The following PCYOX1L variants were observed in gnomAD, a reference collection of about 807,000 sequenced individuals.
PCYOX1L encodes the protein prenylcysteine oxidase 1-like.
Under a neutral mutation model 44.1 loss-of-function variants are expected in PCYOX1L, and 40 were observed. That is an observed-to-expected ratio of 0.91 (90% CI 0.70 to 1.18). PCYOX1L has a LOEUF of 1.18. PCYOX1L is among the 50% of genes most tolerant of loss of function. The pLI, the probability that PCYOX1L is intolerant of heterozygous loss-of-function variation, is 0.00. For synonymous variants in PCYOX1L, 266 were observed against 282.8 expected, an observed-to-expected ratio of 0.94 and a Z score of 0.60; for missense variants, 605 against 653.3, an observed-to-expected ratio of 0.93 and a Z score of 0.81.
rs945072474 is a variant in PCYOX1L at position 149,358,065 on chromosome 5, C to G, written c.-4C>G. Reference sequence around the variant, plus strand: ...TCCGGCGTGCTGCCCGCTCGCCGCCCGCCATGGCCCGCGCAGCCCCGCTGC... The same window carrying G: ...TCCGGCGTGCTGCCCGCTCGCCGCCGGCCATGGCCCGCGCAGCCCCGCTGC... On this transcript the variant is annotated 5_prime_UTR_variant, in exon 1 of 6. Coordinates refer to ENST00000274569, the MANE Select transcript of PCYOX1L (RefSeq NM_024028.4). 7.4e-7 allele frequency: 1 copy of G among 1,347,126 alleles called. No individual in the cohort carries two copies. Among genetic ancestry groups the G allele is most frequent in the Non-Finnish European group, 9.5e-7 (1 of 1,055,004 alleles). 83.4% of individuals were successfully genotyped at this position (1,347,126 alleles called of 1,614,324 possible).
Position 149,368,421 on chromosome 5 carries a change from C to T in PCYOX1L, c.1252C>T (p.Gln418Ter). The T allele has an allele frequency of 5.0e-6, 8 of 1,614,184 alleles. No individual in the cohort carries two copies. The highest frequency in any genetic ancestry group is 5.9e-6 in the Non-Finnish European group (7 of 1,180,038). ...CCTGTTCCGTTCCTATTACTCAGTGCAGACAGCTGAGTGGCAGGCCCATCC... is the reference window on the plus strand; with the variant it reads ...CCTGTTCCGTTCCTATTACTCAGTGTAGACAGCTGAGTGGCAGGCCCATCC... ...KTLFRSYYSV[Q>*]TAEWQAHPLY... Residue 418 changes from glutamine (Q) to a stop codon, truncating the protein, a stop_gained, in exon 6 of 6, where the codon CAG (glutamine) becomes TAG (stop). Coordinates refer to ENST00000274569, the MANE Select transcript of PCYOX1L (RefSeq NM_024028.4). LOFTEE classifies it high-confidence loss of function.
intron 4 of PCYOX1L, 147 bp from the exon 5 acceptor site, chr5:149,367,213 T>C: frequency 1.1e-6 from 1 of 947,526 alleles, no homozygotes; most frequent in Non-Finnish European, 1.5e-6. Flanking sequence ...TTTGTTGTAC[T>C]TACTTGTATG....
chr5:149,363,137 G>C (rs187079272), intron 2 of PCYOX1L: 2 of 519,230 alleles, frequency 3.9e-6, no homozygotes, highest in Non-Finnish European at 7.4e-6. Context: ...GCTAGTGCTT[G>C]CCAGGCACCT....
Position 149,368,752 on chromosome 5 carries a change from T to G in PCYOX1L, c.*98T>G, listed in dbSNP as rs989905198. ...ATAAGCCATGCTCGCCCACCAGGCT[T>G]CTTTCTGACCCCTCATGTATCAAGC... is the stretch of plus-strand genomic sequence containing the variant. On this transcript the variant is annotated 3_prime_UTR_variant, in exon 6 of 6. Transcript: ENST00000274569. 7 of 1,250,552 alleles carry G rather than the reference T, an allele frequency of 5.6e-6. No homozygotes were observed. Among genetic ancestry groups the G allele is most frequent in the Non-Finnish European group, 6.4e-6 (6 of 937,648 alleles). The allele number at this position is 1,250,552 out of a possible 1,614,324, so 77.5% of individuals were successfully genotyped here.
chr5:149,358,936 C>G (rs1254385913), intron 1 of PCYOX1L, among the ~76,000 whole-genome samples: 2 of 152,226 alleles, frequency 1.3e-5, no homozygotes, highest in African/African-American at 4.8e-5. Context: ...ACGCACTGTT[C>G]TAGACATCCA....
intron 4 of PCYOX1L, among the ~76,000 whole-genome samples, chr5:149,366,509 A>G (rs1328254720): frequency 6.6e-6 from 1 of 152,182 alleles, no homozygotes; most frequent in African/African-American, 2.4e-5. Flanking sequence ...CCACTGTGAG[A>G]GCACCTCCTC....
chr5:149,367,513 G>A lies in PCYOX1L; in HGVS notation c.823+13G>A, dbSNP rs1271701761. 1.2e-6 allele frequency: 2 copies of A among 1,610,908 alleles called. No individual in the cohort carries two copies. The highest frequency in any genetic ancestry group is 1.7e-6 in the Non-Finnish European group (2 of 1,178,972). ...CTGCACAGCACAGGTGAGTAGACAG[G>A]GCGGGAGTGGGCAGGCATGCCATTC... On this transcript the variant is annotated intron_variant, in intron 5 of 5. Transcript: ENST00000274569.
intron 5 of PCYOX1L, 64 bp downstream of exon 5, chr5:149,367,564 C>G (rs1758257414): frequency 6.3e-7 from 1 of 1,589,794 alleles, no homozygotes; most frequent in South Asian, 1.1e-5. Flanking sequence ...ACACTTCTGC[C>G]TCCTTTGTAC....
chr5:149,365,759 G>C, intron 3 of PCYOX1L, 183 bp from the exon 4 acceptor site: 1 of 615,356 alleles, frequency 1.6e-6, no homozygotes, highest in South Asian at 1.9e-5. Flanking sequence ...CTCCCTTTAG[G>C]TGGGACAGGC....
rs775669070 is a variant in PCYOX1L, at chr5:149,362,982, CAA to C, written c.295+140_295+141del. On this transcript the variant is annotated intron_variant, in intron 2 of 5. Transcript: ENST00000274569. ...CATTTTACAGATGGAGCAACAGAAA[CAA>C]GAGAGGGGAAGGAACTTGCCTGAGG... is the stretch of plus-strand genomic sequence containing the variant. The C allele has an allele frequency of 6.5e-4, 651 of 998,070 alleles. 1 individual carries two copies. Among genetic ancestry groups the C allele is most frequent in the Middle Eastern group, 8.1e-4 (4 of 4,960 alleles). The allele number at this position is 998,070 out of a possible 1,614,324, so 61.8% of individuals were successfully genotyped here.
At chr5:149,361,876 C>T (rs572945282) in intron 1 of PCYOX1L, among the ~76,000 whole-genome samples, 2 of 144,828 alleles carry the variant, frequency 1.4e-5, no homozygotes, top group South Asian at 2.1e-4. Context: ...GATCTGCCCC[C>T]GCTAGGCCTC....
intron 4 of PCYOX1L, among the ~76,000 whole-genome samples, chr5:149,366,398 A>T (rs1348044705): frequency 6.6e-6 from 1 of 152,222 alleles, no homozygotes. Flanking sequence ...ACCACTCCCA[A>T]TTGCTTCATA....
chr5:149,366,453 C>T (rs1052676491), intron 4 of PCYOX1L, among the ~76,000 whole-genome samples: 1 of 152,240 alleles, frequency 6.6e-6, no homozygotes, highest in African/African-American at 2.4e-5. Context: ...TAATGCTCTG[C>T]TCTCTACACT....
chr5:149,367,876 C>T (rs1758271582), intron 5 of PCYOX1L, 117 bp from the exon 6 acceptor site: 1 of 1,127,936 alleles, frequency 8.9e-7, no homozygotes, highest in African/African-American at 1.6e-5. Context: ...ACCATTTAGA[C>T]AGCCCTGCTG....
At chr5:149,362,975 A>G (rs749065522) in intron 2 of PCYOX1L, 132 bp downstream of exon 2, 3 of 1,041,738 alleles carry the variant, frequency 2.9e-6, no homozygotes, top group East Asian at 5.1e-5. Flanking sequence ...AGATGGAGCA[A>G]CAGAAACAAG....
At chr5:149,367,749 A>G (rs1431505722) in intron 5 of PCYOX1L, among the ~76,000 whole-genome samples, 1 of 152,148 alleles carries the variant, frequency 6.6e-6, no homozygotes, top group Non-Finnish European at 1.5e-5. Flanking sequence ...TTTGAATGAC[A>G]TCCTTGCCCA....
At chr5:149,363,942 A>G in intron 2 of PCYOX1L, 94 bp from the exon 3 acceptor site, 10 of 1,401,906 alleles carry the variant, frequency 7.1e-6, no homozygotes, top group African/African-American at 1.4e-5. Context: ...AACAAACCAT[A>G]GCATTTGTGT....
Position 149,368,353 on chromosome 5 carries a change from G to A in PCYOX1L, c.1184G>A (p.Arg395Gln), listed in dbSNP as rs768976745. Reference sequence around the variant, plus strand: ...CAGCCCCAGGAGGCAGCTGTTTGGCGAGTCCAGTCCCCCAAGCCCCTCTTT... The same window carrying A: ...CAGCCCCAGGAGGCAGCTGTTTGGCAAGTCCAGTCCCCCAAGCCCCTCTTT... ...RKQPQEAAVW[R>Q]VQSPKPLFRT... The change falls in exon 6 of 6, where the codon CGA becomes CAA. Residue 395 changes from arginine (R) to glutamine (Q), a missense_variant. Transcript: ENST00000274569. 2.0e-5 allele frequency: 33 copies of A among 1,613,998 alleles called. No homozygotes were observed. Among genetic ancestry groups the A allele is most frequent in the Non-Finnish European group, 2.7e-5 (32 of 1,180,030 alleles).
Position 149,368,082 on chromosome 5 carries a change from C to T in PCYOX1L, c.913C>T (p.His305Tyr). ...CATCGTGGTCATCGCCACCCCCCTG[C>T]ACCTGGACAACAGCAGCAGCAACTT... Reference protein sequence around the residue: ...YDIVVIATPLHLDNSSSNLTF... With the variant: ...YDIVVIATPLYLDNSSSNLTF... Residue 305 changes from histidine (H) to tyrosine (Y), a missense_variant, in exon 6 of 6, where the codon CAC (histidine) becomes TAC (tyrosine). By Grantham distance (83) the His-to-Tyr change is moderately conservative (BLOSUM62 2). Transcript: ENST00000274569. 1 of 1,609,620 alleles carries T rather than the reference C, an allele frequency of 6.2e-7. No homozygotes were observed. The highest frequency in any genetic ancestry group is 2.2e-5 in the East Asian group (1 of 44,874).
Sources: gnomAD v4.1 joint callset for allele counts (sites outside exome capture counted in the v4.1 genomes callset) on GRCh38, gnomAD v4.1.1 for gene constraint, MANE v1.5 for transcripts, NCBI Gene and HGNC (gene_info 2026-07-23, HGNC 2026-07-21) for gene names.